DCC: variants seen among roughly 807,000 people sequenced by gnomAD.
The protein encoded by DCC is netrin receptor DCC.
Under a neutral mutation model 172.5 loss-of-function variants are expected in DCC, and 58 were observed. That is an observed-to-expected ratio of 0.34 (90% CI 0.27 to 0.42). The LOEUF is 0.42. Among genes scored for constraint, DCC ranks in the 10% least tolerant of loss-of-function variants. DCC has a pLI of 1.00. For synonymous variants in DCC, 709 were observed against 644.5 expected (o/e 1.10, Z -1.52); for missense variants, 1,740 against 1,791.0 (o/e 0.97, Z 0.51).
At chr18:52,454,049 G>A (rs368875036) in intron 1 of DCC, among the ~76,000 whole-genome samples, 71 of 152,182 alleles carry the variant, frequency 4.7e-4, no homozygotes, top group African/African-American at 1.6e-3. Context: ...TGCTTCAAAC[G>A]TGATATACCC....
intron 3 of DCC, among the ~76,000 whole-genome samples, chr18:52,921,852 G>T (rs1219081071): frequency 6.6e-6 from 1 of 151,540 alleles, no homozygotes; most frequent in African/African-American, 2.4e-5. Context: ...TTTTCACAGG[G>T]GATATTGTAG....
At chr18:53,184,318 G>A (rs2055246177) in intron 9 of DCC, among the ~76,000 whole-genome samples, 1 of 152,036 alleles carries the variant, frequency 6.6e-6, no homozygotes, top group African/African-American at 2.4e-5. Flanking sequence ...TCACAGCATT[G>A]CCATTTTATA....
chr18:53,299,437 A>T (rs1354308094), intron 12 of DCC, among the ~76,000 whole-genome samples: 1 of 152,168 alleles, frequency 6.6e-6, no homozygotes, highest in Non-Finnish European at 1.5e-5. Flanking sequence ...TTGTCCTTAC[A>T]TCTTGAGCTT....
chr18:52,798,144 A>G lies in DCC; in HGVS notation c.412+45770A>G, dbSNP rs78904688. Among the ~76,000 whole-genome samples, 26 of 151,078 alleles carry G rather than the reference A, an allele frequency of 1.7e-4. No individual in the cohort carries two copies. The East Asian group carries it at 5.0e-3, about 29-fold the overall frequency. Reference sequence around the variant, plus strand: ...GATGTTGCATAGGGCAACCATCAGTATCAGATAGGGTCTGTCAATACCCAG... The same window carrying G: ...GATGTTGCATAGGGCAACCATCAGTGTCAGATAGGGTCTGTCAATACCCAG... On this transcript the variant is annotated intron_variant, in intron 2 of 28. Coordinates refer to ENST00000442544, the MANE Select transcript of DCC (RefSeq NM_005215.4).
intron 1 of DCC, among the ~76,000 whole-genome samples, chr18:52,345,723 T>C (rs144933585): frequency 9.8e-4 from 149 of 152,350 alleles, no homozygotes; most frequent in African/African-American, 3.5e-3. Context: ...TGTGTTCCAC[T>C]TTGCAAGGTC....
intron 2 of DCC, among the ~76,000 whole-genome samples, chr18:52,808,749 G>C (rs1321801375): frequency 2.0e-5 from 3 of 152,072 alleles, no homozygotes; most frequent in Non-Finnish European, 4.4e-5. Flanking sequence ...GATTCTGCTG[G>C]GTAAATAAGG....
intron 22 of DCC, among the ~76,000 whole-genome samples, chr18:53,436,774 C>A (rs1911968024): frequency 6.6e-6 from 1 of 152,100 alleles, no homozygotes; most frequent in African/African-American, 2.4e-5. Flanking sequence ...TTAAAAAATA[C>A]CCCAGATTTG....
chr18:53,436,880 C>T lies in DCC; in HGVS notation c.3229+1671C>T, dbSNP rs538542892. Among the ~76,000 whole-genome samples, 7 of 152,246 alleles carry T rather than the reference C, an allele frequency of 4.6e-5. No homozygotes were observed. In the East Asian group the frequency reaches 9.7e-4, roughly 21 times the overall value. On this transcript the variant is annotated intron_variant, in intron 22 of 28. Transcript: ENST00000442544. ...CAGCAGACTGGGAGTCTGCTGAGGG[C>T]TCATTCTCTGCTTCACAGTTGATGC... is the stretch of plus-strand genomic sequence containing the variant.
intron 21 of DCC, among the ~76,000 whole-genome samples, chr18:53,428,401 A>C (rs1294967913): frequency 3.4e-5 from 2 of 57,998 alleles, no homozygotes; most frequent in South Asian, 1.1e-3. Flanking sequence ...AATATAATAT[A>C]ATATATTACA....
At chr18:52,718,959 G>C (rs1024325821) in intron 1 of DCC, among the ~76,000 whole-genome samples, 1 of 152,184 alleles carries the variant, frequency 6.6e-6, no homozygotes, top group African/African-American at 2.4e-5. Context: ...GAGACCTCAA[G>C]TGTGAAATCA....
intron 2 of DCC, among the ~76,000 whole-genome samples, chr18:52,905,710 T>C (rs1460272762): frequency 6.6e-6 from 1 of 152,160 alleles, no homozygotes; most frequent in Non-Finnish European, 1.5e-5. Context: ...AAAACTGAAC[T>C]CCAATGTGGG....
intron 16 of DCC, among the ~76,000 whole-genome samples, chr18:53,389,029 C>G (rs1440505140): frequency 6.6e-6 from 1 of 152,158 alleles, no homozygotes; most frequent in East Asian, 1.9e-4. Context: ...AACAATCCTT[C>G]TGCCTCAGCC....
intron 2 of DCC, among the ~76,000 whole-genome samples, chr18:52,815,297 T>C (rs971420377): frequency 6.6e-6 from 1 of 151,624 alleles, no homozygotes; most frequent in Non-Finnish European, 1.5e-5. Context: ...CTATAAGGAG[T>C]TGATAAATGT....
At chr18:52,728,241 TA>T (rs1391447396) in intron 1 of DCC, among the ~76,000 whole-genome samples, 1 of 152,092 alleles carries the variant, frequency 6.6e-6, no homozygotes, top group African/African-American at 2.4e-5. Flanking sequence ...GAAGAGATAA[TA>T]AGCTACTAAA....
rs184863301 is a variant in DCC, at chr18:52,922,403, C to T, written c.698-1304C>T. On this transcript the variant is annotated intron_variant, in intron 3 of 28. Transcript: ENST00000442544. ...ATAATGTCAAATATGTCCTATGTCCCCTCCCACTTTATATTCTCTTTGACC... is the reference window on the plus strand; with the variant it reads ...ATAATGTCAAATATGTCCTATGTCCTCTCCCACTTTATATTCTCTTTGACC... Among the ~76,000 whole-genome samples the T allele has an allele frequency of 1.8e-3, 275 of 152,100 alleles. 1 individual carries two copies. The highest frequency in any genetic ancestry group is 6.3e-3 in the African/African-American group (262 of 41,488).
At chr18:53,501,948 T>A (rs2046106014) in intron 27 of DCC, among the ~76,000 whole-genome samples, 1 of 152,188 alleles carries the variant, frequency 6.6e-6, no homozygotes, top group African/African-American at 2.4e-5. Context: ...CAATGCAGTA[T>A]AAGTGGATTA....
intron 21 of DCC, among the ~76,000 whole-genome samples, chr18:53,425,195 T>A (rs1423137005): frequency 6.6e-6 from 1 of 151,792 alleles, no homozygotes; most frequent in Non-Finnish European, 1.5e-5. Context: ...ACAAGGAAAC[T>A]ATTTTTCATT....
chr18:52,423,783 G>A (rs1987331477), intron 1 of DCC, among the ~76,000 whole-genome samples: 1 of 152,076 alleles, frequency 6.6e-6, no homozygotes, highest in African/African-American at 2.4e-5. Flanking sequence ...AATGTATTTT[G>A]GGACAGAACC....
At chr18:53,405,723 A>G (rs1379596719) in intron 19 of DCC, among the ~76,000 whole-genome samples, 2 of 152,246 alleles carry the variant, frequency 1.3e-5, no homozygotes, top group Non-Finnish European at 2.9e-5. Context: ...GATTCAAAAT[A>G]CATTAAGCAT....
Sources: gnomAD v4.1 joint callset for allele counts (sites outside exome capture counted in the v4.1 genomes callset) on GRCh38, gnomAD v4.1.1 for gene constraint, MANE v1.5 for transcripts, NCBI Gene and HGNC (gene_info 2026-07-23, HGNC 2026-07-21) for gene names.